COG8: variants seen among roughly 807,000 people sequenced by gnomAD.
COG8 encodes component of oligomeric golgi complex 8.
In COG8, 45 loss-of-function variants were observed where a neutral mutation model predicts 46.5. That is an observed-to-expected ratio of 0.97 (90% CI 0.76 to 1.24). COG8 has a LOEUF of 1.24. Among genes scored for constraint, COG8 ranks in the 50% most tolerant of loss-of-function variants. The pLI, the probability that COG8 is intolerant of heterozygous loss-of-function variation, is 0.00. For synonymous variants in COG8, 407 were observed against 347.8 expected, an observed-to-expected ratio of 1.17 and a Z score of -1.90; for missense variants, 793 against 820.8, an observed-to-expected ratio of 0.97 and a Z score of 0.41.
At chr16:69,332,487 T>C (rs373784260) in intron 4 of COG8, 25 of 614,402 alleles carry the variant, frequency 4.1e-5, no homozygotes, top group African/African-American at 3.1e-4. Context: ...TTTTATGAAA[T>C]GTCCAGAAGA....
intron 5 of COG8, chr16:69,330,537 G>A (rs2011726379): frequency 1.4e-6 from 2 of 1,478,974 alleles, no homozygotes; most frequent in Admixed American, 2.4e-5. Context: ...GCCCACAGTG[G>A]CCAAAGACTC....
At chr16:69,334,298 C>T (rs1228943927) in intron 3 of COG8, among the ~76,000 whole-genome samples, 1 of 152,298 alleles carries the variant, frequency 6.6e-6, no homozygotes. Context: ...AAAGCTAATA[C>T]GTGTATTACC....
chr16:69,330,056 C>T, intron 5 of COG8: 1 of 1,555,000 alleles, frequency 6.4e-7, no homozygotes, highest in Non-Finnish European at 8.7e-7. Flanking sequence ...GACGCTCTCG[C>T]AGCCCTCGGG....
chr16:69,330,396 G>A, intron 5 of COG8: 2 of 1,478,936 alleles, frequency 1.4e-6, no homozygotes, highest in Non-Finnish European at 1.8e-6. Flanking sequence ...GGTTCGGGAG[G>A]ACCCAGCACC....
At chr16:69,330,321 G>A (rs749887459) in intron 5 of COG8, 193 of 1,443,688 alleles carry the variant, frequency 1.3e-4, no homozygotes, top group Non-Finnish European at 1.2e-4. Flanking sequence ...AGCTGCGCCC[G>A]CTCCACCGGG....
At chr16:69,330,078 G>T (rs1033335957) in intron 5 of COG8, 2 of 1,569,612 alleles carry the variant, frequency 1.3e-6, no homozygotes, top group African/African-American at 2.8e-5. Context: ...AAGGTGACCA[G>T]GCGGCTGTCA....
intron 3 of COG8, among the ~76,000 whole-genome samples, chr16:69,333,307 C>T (rs953068626): frequency 5.9e-5 from 9 of 152,040 alleles, no homozygotes; most frequent in African/African-American, 1.9e-4. Context: ...GCTGGGACTA[C>T]AGGCGTGCAC....
In COG8 at chr16:69,339,211, C is replaced by T. The variant is rs768357571; in HGVS notation, c.342G>A (p.Leu114=). The T allele has an allele frequency of 6.2e-7, 1 of 1,612,882 alleles. No individual in the cohort carries two copies. Among genetic ancestry groups the T allele is most frequent in the Non-Finnish European group, 8.5e-7 (1 of 1,179,888 alleles). The change falls in exon 1 of 6, where the codon CTG becomes CTA. Residue 114 remains leucine, a synonymous_variant. Coordinates refer to ENST00000306875, the MANE Select transcript of COG8 (RefSeq NM_032382.5). ...GCTGGAAGCTGGGCAAACGGTCGAG[C>T]AGGCGGCCGAGCGACGCCTCCACGT... is the stretch of plus-strand genomic sequence containing the variant. ...FGDVEASLGR[L]LDRLPSFQQS... is the part of the protein sequence containing the mutation.
At position 69,334,935 on chromosome 16, in the gene COG8, G is replaced by A. The variant is rs777161517; in HGVS notation, c.999C>T (p.Asp333=). The change falls in exon 3 of 6, where the codon GAC becomes GAT. Residue 333 remains aspartate (D), a synonymous_variant. Transcript: ENST00000306875. ...VSQFLQVLET[D]LYRGIGGHLD... ...GGTGGCCGCCTATGCCCCGGTAAAG[G>A]TCGGTCTCCAGCACCTGCAGGAATT... The A allele has an allele frequency of 3.1e-6, 5 of 1,614,032 alleles. No individual in the cohort carries two copies. In the African/African-American group the frequency reaches 4.0e-5, roughly 13 times the overall value.
rs753248150 is a variant in COG8, at chr16:69,331,013, G to A, written c.1665C>T (p.Ile555=). Residue 555 remains isoleucine, a synonymous_variant, in exon 5 of 6, where the codon ATC becomes ATT. Coordinates refer to ENST00000306875, the MANE Select transcript of COG8 (RefSeq NM_032382.5). The stretch of plus-strand genomic sequence containing the variant: ...TGAAAAGCGTCTCTCTCTTTGGCAG[G>A]ATAAAGGCGAGGGGCTCCTGAATGG... The part of the protein sequence containing the change: ...IGAIQEPLAF[I]LPKRETLFTL... 1.6e-5 allele frequency: 25 copies of A among 1,612,768 alleles called. 1 individual carries two copies. The highest frequency in any genetic ancestry group is 2.2e-5 in the South Asian group (2 of 90,780).
In COG8 at chr16:69,328,792, C is replaced by T. The variant is rs980354597; in HGVS notation, c.*414G>A. The T allele has an allele frequency of 5.6e-6, 3 of 538,798 alleles. No individual in the cohort carries two copies. The highest frequency in any genetic ancestry group is 3.2e-6 in the Non-Finnish European group (1 of 314,690). 33.4% of individuals were successfully genotyped at this position (538,798 alleles called of 1,614,324 possible). A position where few individuals can be genotyped will look rare whatever the true frequency, so the allele number is the denominator to read the frequency against. On this transcript the variant is annotated 3_prime_UTR_variant, in exon 6 of 6. Transcript: ENST00000306875. ...ATACAGAATTGTTAGGAAATGTCCA[C>T]TCCTTTGGGGGTGATTTTTCTCCTC... is the stretch of plus-strand genomic sequence containing the variant.
At position 69,336,138 on chromosome 16, in the gene COG8, C is replaced by A. The variant is rs567098151; in HGVS notation, c.585+367G>T. ...TTAAATGTTACCTCCCTAGAAGAGT[C>A]CTTCTTGATCACCCTACCTAAAGAA... On this transcript the variant is annotated intron_variant, in intron 2 of 5. Transcript: ENST00000306875. 2.0e-5 allele frequency among the ~76,000 whole-genome samples: 3 copies of A among 152,284 alleles called. No individual in the cohort carries two copies. The South Asian group carries it at 6.2e-4, about 32-fold the overall frequency.
In COG8 at chr16:69,328,720, G is replaced by A. The variant is rs756982210; in HGVS notation, c.*486C>T. Reference sequence around the variant, plus strand: ...GCTTTGGGAGATTATACAGGTCCGAGGAACTCGTGTCTACTGCAGACGAAT... The same window carrying A: ...GCTTTGGGAGATTATACAGGTCCGAAGAACTCGTGTCTACTGCAGACGAAT... On this transcript the variant is annotated 3_prime_UTR_variant, in exon 6 of 6. Coordinates refer to ENST00000306875, the MANE Select transcript of COG8 (RefSeq NM_032382.5). 1 of 351,194 alleles carries A rather than the reference G, an allele frequency of 2.8e-6. No individual in the cohort carries two copies. Among genetic ancestry groups the A allele is most frequent in the Non-Finnish European group, 5.2e-6 (1 of 193,862 alleles). The allele number at this position is 351,194 out of a possible 1,614,324, so 21.8% of individuals were successfully genotyped here.
At position 69,335,296 on chromosome 16, in the gene COG8, A is replaced by C. The variant is rs1187016981; in HGVS notation, c.638T>G (p.Ile213Ser). 1.2e-6 allele frequency: 2 copies of C among 1,611,676 alleles called. No homozygotes were observed. The highest frequency in any genetic ancestry group is 1.7e-6 in the Non-Finnish European group (2 of 1,179,678). Reference sequence around the variant, plus strand: ...CTGGATGTTGGTCCTCAGTTGCTGGATCAGCTGGCTCAGCATCAGCTGCAT... The same window carrying C: ...CTGGATGTTGGTCCTCAGTTGCTGGCTCAGCTGGCTCAGCATCAGCTGCAT... ...QSMQLMLSQLIQQLRTNIQLP... is the reference protein window; with the variant it reads ...QSMQLMLSQLSQQLRTNIQLP... The change falls in exon 3 of 6, where the codon ATC becomes AGC. Residue 213 changes from isoleucine (I) to serine (S), a missense_variant. Ile to Ser is a moderately radical substitution (Grantham distance 142). Transcript: ENST00000306875.
In COG8 at chr16:69,339,324, G is replaced by T; in HGVS notation, c.229C>A (p.Gln77Lys). 6.2e-7 allele frequency: 1 copy of T among 1,608,688 alleles called. No homozygotes were observed. Residue 77 changes from glutamine to lysine, a missense_variant, in exon 1 of 6, where the codon CAG (glutamine) becomes AAG (lysine). Physicochemically the swap from Gln to Lys is moderately conservative, Grantham distance 53. Coordinates refer to ENST00000306875, the MANE Select transcript of COG8 (RefSeq NM_032382.5). ...RLAEERAQLL[Q>K]QTRDLAFANY... is the part of the protein sequence containing the mutation. ...GCGAAGGCCAAGTCGCGCGTCTGCTGCAGCAGCTGCGCCCGCTCCTCCGCC... is the reference window on the plus strand; with the variant it reads ...GCGAAGGCCAAGTCGCGCGTCTGCTTCAGCAGCTGCGCCCGCTCCTCCGCC...
At position 69,334,676 on chromosome 16, in the gene COG8, G is replaced by A. The variant is rs2012085868; in HGVS notation, c.1258C>T (p.Pro420Ser). ...ACCATGGGTGGCTGCAGCGTCCCCG[G>A]CTGGGTGGCTGGCACAGCAGCAGGC... is the stretch of plus-strand genomic sequence containing the variant. ...NMPAAVPATQ[P>S]GTLQPPMVLL... The change falls in exon 3 of 6, where the codon CCG becomes TCG. Residue 420 changes from proline (P) to serine (S), a missense_variant. Transcript: ENST00000306875. The A allele has an allele frequency of 6.2e-7, 1 of 1,614,222 alleles. No individual in the cohort carries two copies. The highest frequency in any genetic ancestry group is 8.5e-7 in the Non-Finnish European group (1 of 1,180,042).
chr16:69,335,369 TCA>T lies in COG8; in HGVS notation c.586-23_586-22del, dbSNP rs564948183. ...ATGCCCTGACAATACACAGAGAGAG[TCA>T]CACTGCGCTGGGAAGGATGCTCTCT... On this transcript the variant is annotated intron_variant, in intron 2 of 5. Coordinates refer to ENST00000306875, the MANE Select transcript of COG8 (RefSeq NM_032382.5). The T allele has an allele frequency of 2.3e-4, 366 of 1,559,394 alleles. No homozygotes were observed. In the African/African-American group the frequency reaches 3.3e-3, roughly 14 times the overall value.
At chr16:69,338,397 T>A (rs1397934331) in intron 1 of COG8, 1 of 152,256 alleles carries the variant, frequency 6.6e-6, no homozygotes, top group East Asian at 1.9e-4. Flanking sequence ...TCTGATGCCC[T>A]CAAATGCGAG....
rs1426034831 is a variant in COG8 at position 69,326,807 on chromosome 16, A to G, written c.*2399T>C. On this transcript the variant is annotated 3_prime_UTR_variant, in exon 6 of 6. Transcript: ENST00000306875. Reference sequence around the variant, plus strand: ...AAACCTTCTGCCTACATTGGCTTTCACTGTGGAAGTTGATTTCTAAAACTC... The same window carrying G: ...AAACCTTCTGCCTACATTGGCTTTCGCTGTGGAAGTTGATTTCTAAAACTC... The G allele has an allele frequency of 6.6e-6, 1 of 152,166 alleles. No homozygotes were observed. Among genetic ancestry groups the G allele is most frequent in the Admixed American group, 6.5e-5 (1 of 15,274 alleles). The allele number at this position is 152,166 out of a possible 1,614,324, so 9.4% of individuals were successfully genotyped here.
Sources: allele counts gnomAD v4.1 joint callset (sites outside exome capture counted in the v4.1 genomes callset), GRCh38; gene constraint gnomAD v4.1.1; transcripts MANE v1.5; gene names NCBI Gene and HGNC (gene_info 2026-07-23, HGNC 2026-07-21).